Variants in PHACTR1 observed in about 807,000 individuals in gnomAD.
The protein encoded by PHACTR1 is RPEL repeat containing 1.
A neutral mutation model predicts 69.2 loss-of-function variants in PHACTR1; 16 were observed. The observed-to-expected ratio is 0.23, with a 90% CI of 0.16 to 0.35. The LOEUF is 0.35. PHACTR1 is among the 10% of genes least tolerant of loss of function. The pLI is 1.00. For missense variants in PHACTR1, 510 were observed against 734.7 expected (o/e 0.69, Z 3.54); for synonymous variants, 312 against 284.5 (o/e 1.10, Z -0.97).
chr6:13,149,313 T>G (rs1823941733), intron 5 of PHACTR1, among the ~76,000 whole-genome samples: 1 of 152,178 alleles, frequency 6.6e-6, no homozygotes, highest in South Asian at 2.1e-4. Flanking sequence ...ATTCCAAGTC[T>G]TCTCAGGGCC....
At chr6:12,857,598 T>C (rs1460239875) in intron 4 of PHACTR1, among the ~76,000 whole-genome samples, 1 of 93,410 alleles carries the variant, frequency 1.1e-5, no homozygotes, top group Non-Finnish European at 2.4e-5. Context: ...TAAGACTCCA[T>C]CTTAAAAAAA....
chr6:13,022,033 G>A (rs564161668), intron 4 of PHACTR1, among the ~76,000 whole-genome samples: 61 of 152,260 alleles, frequency 4.0e-4, no homozygotes, highest in Admixed American at 6.5e-4. Flanking sequence ...TCCCACCTTC[G>A]GGCAATCAAG....
In PHACTR1 at chr6:13,088,749, A is replaced by G. The variant is rs1296139125; in HGVS notation, c.415+35220A>G. ...TTTTGGATGTCACAAACTTGTCCCC[A>G]TAGTCACCTTGAAGAGCCCTTCTAA... On this transcript the variant is annotated intron_variant, in intron 5 of 14. Transcript: ENST00000332995. Among the ~76,000 whole-genome samples the G allele has an allele frequency of 2.6e-5, 4 of 152,264 alleles. No individual in the cohort carries two copies. The South Asian group carries it at 6.2e-4, about 24-fold the overall frequency.
At chr6:12,892,254 A>G (rs6925904) in intron 4 of PHACTR1, among the ~76,000 whole-genome samples, 91,702 of 151,988 alleles carry the variant, frequency 0.6, 28,299 homozygotes, top group East Asian at 0.93. Context: ...ATTAAAGAAA[A>G]TTATCCTCTT....
At chr6:12,914,243 C>A (rs1430351720) in intron 4 of PHACTR1, among the ~76,000 whole-genome samples, 1 of 152,198 alleles carries the variant, frequency 6.6e-6, no homozygotes, top group Non-Finnish European at 1.5e-5. Flanking sequence ...TGTGATCTGC[C>A]TGCCTCAGCC....
At chr6:12,866,354 CTTAACCTATGGGCTATT>C (rs1781451027) in intron 4 of PHACTR1, among the ~76,000 whole-genome samples, 1 of 152,130 alleles carries the variant, frequency 6.6e-6, no homozygotes, top group African/African-American at 2.4e-5. Flanking sequence ...GCATTTTAAA[CTTAACCTATGGGCTATT>C]TTAACCTCTT....
intron 4 of PHACTR1, among the ~76,000 whole-genome samples, chr6:12,821,502 A>AT (rs1776215558): frequency 7.6e-6 from 1 of 131,706 alleles, no homozygotes; most frequent in Non-Finnish European, 1.6e-5. Context: ...AGAGAGAGAG[A>AT]GAAGTTAAGC....
intron 4 of PHACTR1, among the ~76,000 whole-genome samples, chr6:12,756,614 G>A (rs1767354402): frequency 1.3e-5 from 2 of 152,200 alleles, no homozygotes; most frequent in South Asian, 4.1e-4. Context: ...CGGTGTAAAA[G>A]CCTGTAGGCT....
chr6:13,137,870 C>G (rs998909075), intron 5 of PHACTR1, among the ~76,000 whole-genome samples: 16 of 152,232 alleles, frequency 1.1e-4, no homozygotes, highest in African/African-American at 3.9e-4. Flanking sequence ...TGCTATATCT[C>G]AAGACATGCT....
chr6:12,800,290 T>C (rs1385115667), intron 4 of PHACTR1, among the ~76,000 whole-genome samples: 1 of 152,180 alleles, frequency 6.6e-6, no homozygotes, highest in Non-Finnish European at 1.5e-5. Flanking sequence ...TCATTCCATA[T>C]GTGCAAGAGA....
chr6:13,113,810 G>C (rs1480255095), intron 5 of PHACTR1, among the ~76,000 whole-genome samples: 2 of 152,134 alleles, frequency 1.3e-5, no homozygotes, highest in Non-Finnish European at 1.5e-5. Context: ...GGAAAGGAAG[G>C]AACCAACTAC....
chr6:12,789,285 C>T (rs1285966975), intron 4 of PHACTR1, among the ~76,000 whole-genome samples: 1 of 152,178 alleles, frequency 6.6e-6, no homozygotes, highest in Admixed American at 6.5e-5. Context: ...GGTAAACCTT[C>T]CTTGTGTGCC....
chr6:12,754,000 T>C (rs1766965430), intron 4 of PHACTR1, among the ~76,000 whole-genome samples: 1 of 147,546 alleles, frequency 6.8e-6, no homozygotes, highest in African/African-American at 2.5e-5. Flanking sequence ...TCTCACTCTG[T>C]CACCCAGGCT....
intron 4 of PHACTR1, among the ~76,000 whole-genome samples, chr6:12,924,732 A>T (rs1371653354): frequency 6.6e-6 from 1 of 150,568 alleles, no homozygotes; most frequent in Non-Finnish European, 1.5e-5. Context: ...CCGAGATCAC[A>T]CCACTGCACT....
intron 4 of PHACTR1, among the ~76,000 whole-genome samples, chr6:12,825,476 T>C (rs1360112385): frequency 6.6e-6 from 1 of 152,260 alleles, no homozygotes; most frequent in African/African-American, 2.4e-5. Context: ...CATACCAGCA[T>C]GTTACAAATG....
chr6:13,036,338 A>G (rs1443732808), intron 4 of PHACTR1, among the ~76,000 whole-genome samples: 2 of 152,230 alleles, frequency 1.3e-5, no homozygotes, highest in Non-Finnish European at 2.9e-5. Flanking sequence ...CTAAGCAACA[A>G]ACTATAGCAA....
chr6:12,782,123 A>T (rs966967428), intron 4 of PHACTR1, among the ~76,000 whole-genome samples: 12 of 152,138 alleles, frequency 7.9e-5, no homozygotes, highest in African/African-American at 2.7e-4. Context: ...TCAACAAAGA[A>T]CATTTCCCAG....
intron 10 of PHACTR1, among the ~76,000 whole-genome samples, chr6:13,262,051 G>A (rs1025981527): frequency 6.6e-6 from 1 of 152,220 alleles, no homozygotes; most frequent in African/African-American, 2.4e-5. Context: ...AGAGTGGTGT[G>A]ATCAGATCGG....
At chr6:13,191,079 C>A (rs770550666) in intron 7 of PHACTR1, among the ~76,000 whole-genome samples, 2 of 152,142 alleles carry the variant, frequency 1.3e-5, no homozygotes, top group African/African-American at 4.8e-5. Flanking sequence ...TCTCTCTCCC[C>A]CATTGATCCC....
Sources: allele counts gnomAD v4.1 joint callset (sites outside exome capture counted in the v4.1 genomes callset), GRCh38; gene constraint gnomAD v4.1.1; transcripts MANE v1.5; gene names NCBI Gene and HGNC (gene_info 2026-07-23, HGNC 2026-07-21).